Variants in DSC3 observed in about 807,000 individuals in gnomAD.
DSC3 encodes desmocollin 3.
Under a neutral mutation model 89.5 loss-of-function variants are expected in DSC3, and 97 were observed. That is an observed-to-expected ratio of 1.08 (90% CI 0.92 to 1.28). DSC3 has a LOEUF of 1.28. Ranked by LOEUF, DSC3 falls within the 50% of genes most tolerant of loss-of-function variation. The probability of loss-of-function intolerance (pLI) is 0.00; values close to 1 mark genes in which losing one functional copy is unlikely to be tolerated. For synonymous variants in DSC3, 436 were observed against 384.1 expected (o/e 1.14, Z -1.58); for missense variants, 1,199 against 1,085.3 (o/e 1.10, Z -1.47).
intron 15 of DSC3, among the ~76,000 whole-genome samples, chr18:30,995,885 T>A (rs1408098011): frequency 7.1e-6 from 1 of 141,554 alleles, no homozygotes; most frequent in Non-Finnish European, 1.5e-5. Flanking sequence ...CATAGAAGGA[T>A]CACCTGAGCC....
chr18:31,010,978 A>G (rs538432979), intron 9 of DSC3, among the ~76,000 whole-genome samples: 3 of 152,362 alleles, frequency 2.0e-5, no homozygotes, highest in African/African-American at 4.8e-5. Flanking sequence ...GTTACGTTCA[A>G]TATTATATTT....
At chr18:31,015,506 A>G (rs1474237519) in intron 9 of DSC3, among the ~76,000 whole-genome samples, 4 of 152,028 alleles carry the variant, frequency 2.6e-5, no homozygotes, top group Non-Finnish European at 5.9e-5. Context: ...TATTCTTTAG[A>G]AAAAGTTTGC....
chr18:31,017,052 T>C (rs1472198241), intron 9 of DSC3, among the ~76,000 whole-genome samples: 2 of 152,214 alleles, frequency 1.3e-5, no homozygotes, highest in African/African-American at 4.8e-5. Context: ...TCAGTGGTAT[T>C]TTCTTATTTC....
chr18:31,042,494 G>T, intron 1 of DSC3, 98 bp downstream of exon 1: 1 of 1,254,728 alleles, frequency 8.0e-7, no homozygotes, highest in Non-Finnish European at 1.1e-6. Flanking sequence ...AGCCGCGGTT[G>T]TCACGTTTCG....
intron 1 of DSC3, among the ~76,000 whole-genome samples, chr18:31,038,332 A>G (rs566432788): frequency 6.6e-6 from 1 of 152,350 alleles, no homozygotes; most frequent in African/African-American, 2.4e-5. Flanking sequence ...GTGGATCTAA[A>G]GAAGTGTGTG....
chr18:31,034,585 T>C, intron 1 of DSC3, among the ~76,000 whole-genome samples: 1 of 152,168 alleles, frequency 6.6e-6, no homozygotes, highest in East Asian at 1.9e-4. Flanking sequence ...TCACAGTACA[T>C]ACCATTATTC....
intron 1 of DSC3, among the ~76,000 whole-genome samples, chr18:31,035,779 G>T (rs1567962700): frequency 6.6e-6 from 1 of 151,970 alleles, no homozygotes; most frequent in Admixed American, 6.6e-5. Context: ...CGTAGCTAAA[G>T]TCTTATGCTC....
In DSC3 at chr18:30,992,727, A is replaced by C. The variant is rs1984312199; in HGVS notation, c.*1448T>G. 1 of 152,212 alleles carries C rather than the reference A, an allele frequency of 6.6e-6. No individual in the cohort carries two copies. Among genetic ancestry groups the C allele is most frequent in the South Asian group, 2.1e-4 (1 of 4,834 alleles). The allele number at this position is 152,212 out of a possible 1,614,324, so 9.4% of individuals were successfully genotyped here. On this transcript the variant is annotated 3_prime_UTR_variant, in exon 16 of 16. Transcript: ENST00000360428. ...CTTGATCTTTTTCTTTTATACATTCAAAATTTCTATTTCTTCTATTATTTT... is the reference window on the plus strand; with the variant it reads ...CTTGATCTTTTTCTTTTATACATTCCAAATTTCTATTTCTTCTATTATTTT...
intron 9 of DSC3, among the ~76,000 whole-genome samples, chr18:31,013,374 A>G (rs1985134304): frequency 1.3e-5 from 2 of 152,152 alleles, no homozygotes; most frequent in African/African-American, 4.8e-5. Context: ...AGAATTTCAG[A>G]TAAAATGCTT....
In DSC3 at chr18:31,007,018, C is replaced by T. The variant is rs553162424; in HGVS notation, c.1777G>A (p.Asp593Asn). The stretch of plus-strand genomic sequence containing the variant: ...TCATCAGGATCAACAGCTAAAATGT[C>T]GGTATACCCCATTTTTGGTTTGCAA... ...VICKPKMGYT[D>N]ILAVDPDEPV... Residue 593 changes from aspartate to asparagine, a missense_variant, in exon 12 of 16, where the codon GAC becomes AAC. By Grantham distance (23) the Asp-to-Asn change is conservative. Transcript: ENST00000360428. 29 of 1,613,516 alleles carry T rather than the reference C, an allele frequency of 1.8e-5. No individual in the cohort carries two copies. The East Asian group carries it at 4.7e-4, about 26-fold the overall frequency.
intron 1 of DSC3, among the ~76,000 whole-genome samples, chr18:31,041,937 AC>A (rs1034411355): frequency 6.7e-6 from 1 of 150,080 alleles, no homozygotes; most frequent in African/African-American, 2.5e-5. Flanking sequence ...CACGACCCCA[AC>A]CCCCATTCTG....
At chr18:31,032,336 A>G (rs1326582034) in intron 1 of DSC3, 60 bp from the exon 2 acceptor site, 30 of 1,289,686 alleles carry the variant, frequency 2.3e-5, no homozygotes, top group Non-Finnish European at 4.5e-6. Context: ...AAACATAATC[A>G]TATCAATAGA....
Position 31,004,125 on chromosome 18 carries a change from A to C in DSC3, c.2113+17T>G, listed in dbSNP as rs1984754723. 6.4e-7 allele frequency: 1 copy of C among 1,571,438 alleles called. No homozygotes were observed. The highest frequency in any genetic ancestry group is 1.7e-5 in the Admixed American group (1 of 59,828). ...TTTTATTATATATTTTAACTTCAAG[A>C]AAGTGAAAATACTTACAAAAGAGCA... On this transcript the variant is annotated intron_variant, in intron 13 of 15. Transcript: ENST00000360428.
intron 12 of DSC3, among the ~76,000 whole-genome samples, chr18:31,004,577 A>G (rs1984775454): frequency 6.6e-6 from 1 of 152,190 alleles, no homozygotes; most frequent in Admixed American, 6.5e-5. Flanking sequence ...GGGAGCCCTA[A>G]AGAAATAATT....
chr18:31,029,724 G>A, intron 3 of DSC3, 96 bp from the exon 4 acceptor site: 1 of 1,512,332 alleles, frequency 6.6e-7, no homozygotes, highest in Non-Finnish European at 9.1e-7. Flanking sequence ...ATCCTTCTTT[G>A]GAGTTTCAGT....
intron 8 of DSC3, 34 bp from the exon 9 acceptor site, chr18:31,018,290 T>A: frequency 6.4e-7 from 1 of 1,567,744 alleles, no homozygotes; most frequent in Non-Finnish European, 8.7e-7. Context: ...AAATTGAAAT[T>A]TTATTTTATA....
chr18:31,004,688 T>C (rs1182403970), intron 12 of DSC3, among the ~76,000 whole-genome samples: 2 of 152,080 alleles, frequency 1.3e-5, no homozygotes, highest in African/African-American at 4.8e-5. Flanking sequence ...TTTTCTTTAG[T>C]ACCAATGTAT....
chr18:31,037,847 C>CCAA (rs1394260913), intron 1 of DSC3, among the ~76,000 whole-genome samples: 1 of 151,968 alleles, frequency 6.6e-6, no homozygotes, highest in Non-Finnish European at 1.5e-5. Flanking sequence ...TTGCAGTGAG[C>CCAA]CAACCTCCAG....
chr18:31,006,785 C>T (rs1187111290), intron 12 of DSC3, 122 bp downstream of exon 12: 1 of 792,556 alleles, frequency 1.3e-6, no homozygotes, highest in Non-Finnish European at 2.1e-6. Context: ...TTAGTTTATC[C>T]TTCTAAAATA....
Sources: allele counts gnomAD v4.1 joint callset (sites outside exome capture counted in the v4.1 genomes callset), GRCh38; gene constraint gnomAD v4.1.1; transcripts MANE v1.5; gene names NCBI Gene and HGNC (gene_info 2026-07-23, HGNC 2026-07-21).